The following STPG2 variants were observed in gnomAD, a reference collection of about 807,000 sequenced individuals.
The protein encoded by STPG2 is sperm tail PG-rich repeat containing 2.
In STPG2, 56 loss-of-function variants were observed where a neutral mutation model predicts 54.2. That is an observed-to-expected ratio of 1.03 (90% confidence interval 0.83 to 1.29). The LOEUF (loss-of-function observed/expected upper bound fraction) is 1.29, where lower values mean the gene tolerates loss of function less well. Among genes scored for constraint, STPG2 ranks in the 50% most tolerant of loss-of-function variants. The pLI, the probability that STPG2 is intolerant of heterozygous loss-of-function variation, is 0.00. For missense variants in STPG2, 596 were observed against 544.9 expected (o/e 1.09, Z -0.93); for synonymous variants, 200 against 181.8 (o/e 1.10, Z -0.81).
intron 9 of STPG2, among the ~76,000 whole-genome samples, chr4:97,715,601 C>G (rs2149010689): frequency 6.6e-6 from 1 of 152,190 alleles, no homozygotes; most frequent in African/African-American, 2.4e-5. Flanking sequence ...TACAAAATCT[C>G]AGATTTCATA....
At chr4:97,625,971 A>G (rs1254296663) in intron 10 of STPG2, among the ~76,000 whole-genome samples, 1 of 152,210 alleles carries the variant, frequency 6.6e-6, no homozygotes, top group Non-Finnish European at 1.5e-5. Context: ...TATCACCTAC[A>G]GTTGAGCTTC....
Position 98,021,278 on chromosome 4 carries a change from C to T in STPG2, c.613-39960G>A, listed in dbSNP as rs1249001879. 4.9e-5 allele frequency among the ~76,000 whole-genome samples: 6 copies of T among 123,456 alleles called. 2 individuals are homozygous for T. The South Asian group carries it at 8.3e-4, about 17-fold the overall frequency. 81.0% of individuals were successfully genotyped at this position (123,456 alleles called of 152,430 possible). ...TTTCTGCCTTCATTTTGTTATTTACCCAGTAGTCATTCAGGAGCAGGTTGT... is the reference window on the plus strand; with the variant it reads ...TTTCTGCCTTCATTTTGTTATTTACTCAGTAGTCATTCAGGAGCAGGTTGT... On this transcript the variant is annotated intron_variant, in intron 5 of 10. Coordinates refer to ENST00000295268, the MANE Select transcript of STPG2 (RefSeq NM_174952.3).
intron 8 of STPG2, among the ~76,000 whole-genome samples, chr4:97,934,751 G>T (rs1270326062): frequency 1.3e-5 from 2 of 151,824 alleles, no homozygotes; most frequent in South Asian, 4.1e-4. Context: ...TGCTGGTTTT[G>T]GTTTGCCAAT....
At position 97,630,737 on chromosome 4, in the gene STPG2, G is replaced by C. The variant is rs191774857; in HGVS notation, c.1321-71620C>G. ...GTAAAAATATTATAGATAAGACAGA[G>C]TGCTCTATTAAAGGAGGTAGTCAAT... On this transcript the variant is annotated intron_variant, in intron 10 of 10. Coordinates refer to ENST00000295268, the MANE Select transcript of STPG2 (RefSeq NM_174952.3). Among the ~76,000 whole-genome samples, 629 of 151,836 alleles carry C rather than the reference G, an allele frequency of 4.1e-3. 3 individuals carry two copies. The highest frequency in any genetic ancestry group is 0.02 in the South Asian group (98 of 4,828).
intron 9 of STPG2, among the ~76,000 whole-genome samples, chr4:97,727,772 T>C (rs1025169762): frequency 6.6e-6 from 1 of 151,720 alleles, no homozygotes; most frequent in Non-Finnish European, 1.5e-5. Flanking sequence ...TGTAAATTAA[T>C]TTAAAAATTT....
intron 8 of STPG2, among the ~76,000 whole-genome samples, chr4:97,867,022 G>C (rs1729812288): frequency 6.6e-6 from 1 of 151,920 alleles, no homozygotes; most frequent in Admixed American, 6.6e-5. Context: ...AATTGTGCAG[G>C]AGCAGCAAGC....
At chr4:98,114,955 A>C (rs1034317762) in intron 3 of STPG2, among the ~76,000 whole-genome samples, 2 of 55,940 alleles carry the variant, frequency 3.6e-5, no homozygotes, top group Non-Finnish European at 8.3e-5. Flanking sequence ...TCTAAATTAC[A>C]GTTTCTTTTA....
At chr4:97,587,635 T>C (rs985263454) in intron 10 of STPG2, among the ~76,000 whole-genome samples, 6 of 152,004 alleles carry the variant, frequency 3.9e-5, no homozygotes, top group African/African-American at 1.4e-4. Flanking sequence ...GTCTGAGATC[T>C]GTAGAAGTTT....
At chr4:98,028,727 C>T (rs1437358340) in intron 5 of STPG2, among the ~76,000 whole-genome samples, 1 of 152,140 alleles carries the variant, frequency 6.6e-6, no homozygotes, top group Non-Finnish European at 1.5e-5. Context: ...CTCTCTTCCT[C>T]TTTGGAGTTT....
At chr4:97,453,802 C>T (rs560969056) in intron 4 of STPG2, among the ~76,000 whole-genome samples, 6 of 152,112 alleles carry the variant, frequency 3.9e-5, no homozygotes, top group South Asian at 2.1e-4. Context: ...CCTGGCACCA[C>T]GCTCAGCACA....
rs1724741013 is a variant in STPG2 at position 97,729,746 on chromosome 4, T to G, written c.1205-16932A>C. Among the ~76,000 whole-genome samples the G allele has an allele frequency of 4.6e-5, 7 of 152,286 alleles. No homozygotes were observed. The South Asian group carries it at 1.2e-3, about 27-fold the overall frequency. On this transcript the variant is annotated intron_variant, in intron 9 of 10. Transcript: ENST00000295268. The stretch of plus-strand genomic sequence containing the variant: ...AGGTAAAAGACCATAGGAAAAATAC[T>G]AAAGGACCCAGACAAGAGCAATACA...
chr4:97,983,942 TA>T (rs1734754258), intron 5 of STPG2, among the ~76,000 whole-genome samples: 1 of 152,178 alleles, frequency 6.6e-6, no homozygotes, highest in South Asian at 2.1e-4. Flanking sequence ...TGAGTTCACA[TA>T]AAAGCCTTCA....
chr4:98,136,837 C>T (rs1396410808), intron 1 of STPG2, among the ~76,000 whole-genome samples: 1 of 151,236 alleles, frequency 6.6e-6, no homozygotes, highest in Non-Finnish European at 1.5e-5. Flanking sequence ...TAGGCAACCA[C>T]TTAAAAATAA....
At chr4:98,009,311 T>C (rs11947578) in intron 5 of STPG2, among the ~76,000 whole-genome samples, 1 of 151,690 alleles carries the variant, frequency 6.6e-6, no homozygotes, top group South Asian at 2.1e-4. Flanking sequence ...GATATCTTTT[T>C]ATTTCCCTTT....
chr4:97,511,692 A>T (rs1730976673), intron 4 of STPG2, among the ~76,000 whole-genome samples: 1 of 152,122 alleles, frequency 6.6e-6, no homozygotes, highest in Admixed American at 6.6e-5. Context: ...CATGTCAAGC[A>T]TTTATCAAAA....
At chr4:97,743,471 G>A (rs1287636927) in intron 9 of STPG2, among the ~76,000 whole-genome samples, 3 of 151,700 alleles carry the variant, frequency 2.0e-5, no homozygotes, top group African/African-American at 7.3e-5. Context: ...GGAAGAGTAT[G>A]ATAAACAAAA....
chr4:97,865,122 C>A (rs1389993390), intron 8 of STPG2, among the ~76,000 whole-genome samples: 1 of 152,062 alleles, frequency 6.6e-6, no homozygotes, highest in Non-Finnish European at 1.5e-5. Context: ...AGCTTCTGCA[C>A]AGCAAAAGAA....
At chr4:97,609,269 T>A (rs1733675072) in intron 10 of STPG2, among the ~76,000 whole-genome samples, 1 of 151,996 alleles carries the variant, frequency 6.6e-6, no homozygotes, top group African/African-American at 2.4e-5. Flanking sequence ...ATCTTCTTAG[T>A]TTACCTACTC....
At chr4:97,537,178 G>A (rs887201955) in intron 4 of STPG2, among the ~76,000 whole-genome samples, 8 of 152,228 alleles carry the variant, frequency 5.3e-5, no homozygotes, top group Middle Eastern at 3.4e-3. Flanking sequence ...ATCTCACTGG[G>A]ACCTGTCGGA....
Sources: allele counts gnomAD v4.1 joint callset (sites outside exome capture counted in the v4.1 genomes callset), GRCh38; gene constraint gnomAD v4.1.1; transcripts MANE v1.5; gene names NCBI Gene and HGNC (gene_info 2026-07-23, HGNC 2026-07-21).